Variants in PCDHA6 observed in about 807,000 individuals in gnomAD.
PCDHA6 encodes protocadherin alpha-6.
PCDHA6 carries 55 observed loss-of-function variants against 60.3 expected under a neutral mutation model. The ratio of observed to expected loss-of-function variants is 0.91; its 90% confidence interval spans 0.73 to 1.14. The LOEUF (loss-of-function observed/expected upper bound fraction) is 1.14. Among genes scored for constraint, PCDHA6 ranks in the 50% most tolerant of loss-of-function variants. The pLI is 0.00. For missense variants in PCDHA6, 1,327 were observed against 1,256.5 expected (o/e 1.06, Z -0.85); for synonymous variants, 652 against 557.9 (o/e 1.17, Z -2.38).
At chr5:140,877,631 C>A (rs1220029307) in intron 1 of PCDHA6, 2 of 1,613,768 alleles carry the variant, frequency 1.2e-6, no homozygotes, top group South Asian at 1.1e-5. Flanking sequence ...CTGTACACTG[C>A]GCTGCGTTGC....
At chr5:140,834,216 C>G in intron 1 of PCDHA6, 1 of 658,062 alleles carries the variant, frequency 1.5e-6, no homozygotes, top group East Asian at 2.7e-5. Flanking sequence ...CTTTCGTAAT[C>G]AGCAAAAGGA....
intron 1 of PCDHA6, among the ~76,000 whole-genome samples, chr5:140,973,346 T>C (rs1554235179): frequency 1.3e-5 from 2 of 152,198 alleles, no homozygotes; most frequent in Non-Finnish European, 2.9e-5. Flanking sequence ...AGTGACATAG[T>C]AGTGAATTTA....
At chr5:140,969,236 G>A (rs782453054) in intron 1 of PCDHA6, 5 of 1,614,052 alleles carry the variant, frequency 3.1e-6, no homozygotes, top group Non-Finnish European at 4.2e-6. Flanking sequence ...GGGAGCCCAA[G>A]CAGCAGTGAC....
chr5:140,919,649 T>C (rs1252944920), intron 1 of PCDHA6, among the ~76,000 whole-genome samples: 1 of 152,202 alleles, frequency 6.6e-6, no homozygotes, highest in African/African-American at 2.4e-5. Flanking sequence ...TTCTCTAGAG[T>C]TTACCATATA....
At chr5:140,967,957 C>A in intron 1 of PCDHA6, 1 of 1,614,222 alleles carries the variant, frequency 6.2e-7, no homozygotes, top group Admixed American at 1.7e-5. Context: ...CAGGCCCCAA[C>A]CGGAAAGTGA....
chr5:140,863,464 C>A, intron 1 of PCDHA6: 1 of 512,348 alleles, frequency 2.0e-6, no homozygotes, highest in South Asian at 1.5e-5. Context: ...AGATTTTACT[C>A]TGGAGAGTCG....
chr5:140,967,019 C>T (rs887648506), intron 1 of PCDHA6: 1 of 1,607,542 alleles, frequency 6.2e-7, no homozygotes, highest in Non-Finnish European at 8.5e-7. Flanking sequence ...TCTGGGTGCG[C>T]CCAGTCCGCG....
chr5:140,968,488 C>A, intron 1 of PCDHA6: 1 of 1,614,148 alleles, frequency 6.2e-7, no homozygotes, highest in South Asian at 1.1e-5. Context: ...ACATGAATGA[C>A]CATGCCCCTC....
intron 1 of PCDHA6, among the ~76,000 whole-genome samples, chr5:140,880,113 C>T (rs957295411): frequency 4.6e-5 from 7 of 152,220 alleles, no homozygotes; most frequent in Admixed American, 3.3e-4. Context: ...GAAGGATAGA[C>T]AACAGGAAGC....
At chr5:140,973,921 C>T (rs1407436010) in intron 1 of PCDHA6, among the ~76,000 whole-genome samples, 1 of 152,210 alleles carries the variant, frequency 6.6e-6, no homozygotes, top group Non-Finnish European at 1.5e-5. Context: ...TGTCACCAAA[C>T]CCAGAGGTTT....
chr5:140,898,765 G>C (rs1336398509), intron 1 of PCDHA6, among the ~76,000 whole-genome samples: 1 of 151,640 alleles, frequency 6.6e-6, no homozygotes, highest in African/African-American at 2.4e-5. Context: ...CATTGAATCT[G>C]TAAATTACCT....
At chr5:140,970,156 T>G (rs933887683) in intron 1 of PCDHA6, among the ~76,000 whole-genome samples, 1 of 152,188 alleles carries the variant, frequency 6.6e-6, no homozygotes, top group Non-Finnish European at 1.5e-5. Flanking sequence ...CTCCCAATAG[T>G]CACCTTTCTT....
chr5:140,876,259 C>T (rs1554168431), intron 1 of PCDHA6: 7 of 1,613,952 alleles, frequency 4.3e-6, no homozygotes, highest in South Asian at 1.1e-5. Flanking sequence ...AAGAGTGATC[C>T]AACTAAATGC....
intron 1 of PCDHA6, among the ~76,000 whole-genome samples, chr5:140,945,439 A>G (rs1291434553): frequency 6.6e-6 from 1 of 152,188 alleles, no homozygotes; most frequent in Non-Finnish European, 1.5e-5. Flanking sequence ...TTACAGAAAT[A>G]TAAAAAACTT....
At chr5:140,876,238 CA>C in intron 1 of PCDHA6, 4 of 1,613,896 alleles carry the variant, frequency 2.5e-6, no homozygotes, top group Non-Finnish European at 3.4e-6. Context: ...TGAAAATGTC[CA>C]AAACGACACA....
chr5:140,883,881 G>A (rs782379771), intron 1 of PCDHA6: 13 of 1,613,320 alleles, frequency 8.1e-6, no homozygotes, highest in Non-Finnish European at 1.1e-5. Flanking sequence ...GTGAGCGCGC[G>A]CGACTCTGGC....
intron 1 of PCDHA6, among the ~76,000 whole-genome samples, chr5:140,941,185 C>CTT (rs782102770): frequency 2.0e-5 from 2 of 102,242 alleles, no homozygotes; most frequent in East Asian, 7.3e-4. Context: ...CATCCTGCTT[C>CTT]TTTTTTTTTC....
chr5:140,956,433 C>T (rs1260145380), intron 1 of PCDHA6, among the ~76,000 whole-genome samples: 6 of 152,098 alleles, frequency 3.9e-5, no homozygotes, highest in African/African-American at 1.4e-4. Context: ...TTTAGTTCTG[C>T]TTATGTGATG....
rs146736705 is a variant in PCDHA6 at position 140,829,807 on chromosome 5, T to C, written c.1716T>C (p.Gly572=). 3.4e-3 allele frequency: 5,423 copies of C among 1,613,834 alleles called. 11 individuals are homozygous for C. Among genetic ancestry groups the C allele is most frequent in the Middle Eastern group, 4.6e-3 (28 of 6,054 alleles). ...CGCTGCTGGCGCCTCGGGTGGGTGG[T>C]ACTGGTGGTGCAGTGAGCGAGCTGG... ...APALLAPRVG[G]TGGAVSELVP... The change falls in exon 1 of 4, where the codon GGT becomes GGC. Residue 572 remains glycine (G), a synonymous_variant. Transcript: ENST00000529310.
Sources: gnomAD v4.1 joint callset for allele counts (sites outside exome capture counted in the v4.1 genomes callset) on GRCh38, gnomAD v4.1.1 for gene constraint, MANE v1.5 for transcripts, NCBI Gene and HGNC (gene_info 2026-07-23, HGNC 2026-07-21) for gene names.